Variants in EGFLAM observed in about 807,000 individuals in gnomAD.
The protein encoded by EGFLAM is EGF like, fibronectin type III and laminin G domains.
A neutral mutation model predicts 113.1 loss-of-function variants in EGFLAM; 79 were observed. The observed-to-expected ratio is 0.70, with a 90% CI of 0.58 to 0.84. The LOEUF is 0.84. EGFLAM is among the 40% of genes least tolerant of loss of function. EGFLAM has a pLI of 0.00. For missense variants in EGFLAM, 1,265 were observed against 1,291.6 expected, an observed-to-expected ratio of 0.98 and a Z score of 0.32; for synonymous variants, 504 against 487.6, an observed-to-expected ratio of 1.03 and a Z score of -0.44.
At chr5:38,276,552 A>C (rs887044753) in intron 1 of EGFLAM, among the ~76,000 whole-genome samples, 2 of 152,170 alleles carry the variant, frequency 1.3e-5, no homozygotes, top group Non-Finnish European at 2.9e-5. Context: ...ACTCAAAATT[A>C]GTGGAAGAGA....
chr5:38,312,881 A>C (rs867469094), intron 1 of EGFLAM, among the ~76,000 whole-genome samples: 1 of 152,132 alleles, frequency 6.6e-6, no homozygotes, highest in African/African-American at 2.4e-5. Flanking sequence ...TGAGGTCAGC[A>C]GTTCAAGACC....
intron 6 of EGFLAM, chr5:38,401,349 G>A (rs1046605237): frequency 1.3e-5 from 2 of 152,152 alleles, no homozygotes; most frequent in African/African-American, 4.8e-5. Flanking sequence ...TTGTGCAATA[G>A]AGTCTTATGG....
intron 17 of EGFLAM, among the ~76,000 whole-genome samples, chr5:38,442,948 G>A (rs752146840): frequency 5.9e-5 from 9 of 152,202 alleles, no homozygotes; most frequent in East Asian, 5.8e-4. Context: ...CCCTGATATC[G>A]CATAACAATA....
At chr5:38,294,156 A>T (rs1323860380) in intron 1 of EGFLAM, among the ~76,000 whole-genome samples, 1 of 151,770 alleles carries the variant, frequency 6.6e-6, no homozygotes, top group South Asian at 2.1e-4. Context: ...ATGGGCTTGG[A>T]CTCCTTGTTA....
chr5:38,427,929 A>G (rs755557399), intron 14 of EGFLAM, among the ~76,000 whole-genome samples: 2 of 152,210 alleles, frequency 1.3e-5, no homozygotes, highest in South Asian at 2.1e-4. Flanking sequence ...AGTTTGTACT[A>G]TTAAATTACT....
chr5:38,449,452 C>A (rs1327148833), intron 18 of EGFLAM, among the ~76,000 whole-genome samples: 2 of 152,202 alleles, frequency 1.3e-5, no homozygotes, highest in Admixed American at 6.5e-5. Flanking sequence ...GAGAGACCGT[C>A]CTCCTTCTTC....
At chr5:38,440,465 C>T (rs1160648978) in intron 17 of EGFLAM, among the ~76,000 whole-genome samples, 1 of 152,010 alleles carries the variant, frequency 6.6e-6, no homozygotes, top group Non-Finnish European at 1.5e-5. Flanking sequence ...GCCGACTGCT[C>T]TAATATTGGG....
intron 1 of EGFLAM, among the ~76,000 whole-genome samples, chr5:38,260,307 G>T (rs896676201): frequency 5.3e-5 from 8 of 152,132 alleles, no homozygotes; most frequent in Non-Finnish European, 1.2e-4. Flanking sequence ...TTTAAACAAA[G>T]CATAGTTATA....
chr5:38,446,629 G>A (rs1438789071), intron 17 of EGFLAM, among the ~76,000 whole-genome samples: 1 of 152,176 alleles, frequency 6.6e-6, no homozygotes, highest in African/African-American at 2.4e-5. Context: ...TGCAGCCTCA[G>A]GCCCTCTTCC....
chr5:38,284,009 G>A (rs1758089277), intron 1 of EGFLAM: 1 of 152,430 alleles, frequency 6.6e-6, no homozygotes, highest in Non-Finnish European at 1.5e-5. Flanking sequence ...TAGAAAGGCA[G>A]GGGTGTCAGC....
intron 1 of EGFLAM, among the ~76,000 whole-genome samples, chr5:38,318,795 T>C (rs1738668330): frequency 6.6e-6 from 1 of 152,120 alleles, no homozygotes; most frequent in Non-Finnish European, 1.5e-5. Context: ...TGAGCCACCA[T>C]GCTTGCCCTC....
intron 1 of EGFLAM, among the ~76,000 whole-genome samples, chr5:38,267,397 A>G (rs1409049506): frequency 6.6e-6 from 1 of 152,180 alleles, no homozygotes; most frequent in Non-Finnish European, 1.5e-5. Context: ...CTTAAATACA[A>G]CCTGAGTTTA....
rs1739645001 is a variant in EGFLAM, at chr5:38,352,198, T to C, written c.412T>C (p.Ser138Pro). ...PRHVTTLSQD[S>P]CLPPAAPQQP... ...GTTGTGTTTGTCATCCCACCTAGAT[T>C]CCTGCCTGCCTCCTGCAGCTCCCCA... Residue 138 changes from serine (S) to proline (P), a missense_variant and splice_region_variant, in exon 5 of 22, where the codon TCC becomes CCC. By Grantham distance (74) the Ser-to-Pro change is moderately conservative. Transcript: ENST00000322350. 1 of 1,614,096 alleles carries C rather than the reference T, an allele frequency of 6.2e-7. No homozygotes were observed. Among genetic ancestry groups the C allele is most frequent in the Admixed American group, 1.7e-5 (1 of 60,028 alleles).
intron 12 of EGFLAM, among the ~76,000 whole-genome samples, chr5:38,422,076 G>A (rs973945772): frequency 2.0e-5 from 3 of 152,152 alleles, no homozygotes; most frequent in South Asian, 2.1e-4. Context: ...CCTCGGTTAC[G>A]GACTAGGGGT....
At chr5:38,339,631 T>C (rs1190156671) in intron 3 of EGFLAM, among the ~76,000 whole-genome samples, 1 of 152,206 alleles carries the variant, frequency 6.6e-6, no homozygotes, top group Non-Finnish European at 1.5e-5. Context: ...AACTATCCTA[T>C]GACCTCATTT....
intron 6 of EGFLAM, chr5:38,403,309 T>C (rs1305837781): frequency 6.5e-6 from 1 of 155,008 alleles, no homozygotes; most frequent in Admixed American, 6.3e-5. Flanking sequence ...TCTTCACAGT[T>C]TCACAGATAG....
chr5:38,427,434 C>T, intron 14 of EGFLAM, 182 bp downstream of exon 14: 2 of 931,682 alleles, frequency 2.1e-6, no homozygotes, highest in Non-Finnish European at 3.1e-6. Flanking sequence ...ATAGAGAGTG[C>T]TCTCCTGCCC....
At chr5:38,260,163 C>T (rs764331296) in intron 1 of EGFLAM, among the ~76,000 whole-genome samples, 11 of 152,190 alleles carry the variant, frequency 7.2e-5, no homozygotes, top group Non-Finnish European at 1.6e-4. Flanking sequence ...TCTTCCTGCA[C>T]GCACACATAC....
At chr5:38,332,755 A>T (rs1739079507) in intron 1 of EGFLAM, among the ~76,000 whole-genome samples, 1 of 152,238 alleles carries the variant, frequency 6.6e-6, no homozygotes, top group Admixed American at 6.5e-5. Context: ...TGTCCTTAAG[A>T]CACAGATCAC....
Sources: allele counts gnomAD v4.1 joint callset (sites outside exome capture counted in the v4.1 genomes callset), GRCh38; gene constraint gnomAD v4.1.1; transcripts MANE v1.5; gene names NCBI Gene and HGNC (gene_info 2026-07-23, HGNC 2026-07-21).